CACNA1H: variants seen among roughly 807,000 people sequenced by gnomAD.
CACNA1H encodes calcium voltage-gated channel subunit alpha1 H, also known as voltage-dependent T-type calcium channel subunit alpha-1H.
CACNA1H carries 149 observed loss-of-function variants against 192.5 expected under a neutral mutation model. The observed-to-expected ratio is 0.77, with a 90% CI of 0.68 to 0.89. The LOEUF (loss-of-function observed/expected upper bound fraction) is 0.89, where lower values mean the gene tolerates loss of function less well. Among genes scored for constraint, CACNA1H ranks in the 40% least tolerant of loss-of-function variants. The pLI is 0.00. For synonymous variants in CACNA1H, 2,202 were observed against 1,475.2 expected (o/e 1.49, Z -11.29); for missense variants, 4,257 against 3,423.5 (o/e 1.24, Z -6.08).
rs1970205360 is a variant in CACNA1H at position 1,218,375 on chromosome 16, CG to C, written c.5614del (p.Glu1872ArgfsTer175). 1 of 1,560,928 alleles carries C rather than the reference CG, an allele frequency of 6.4e-7. No individual in the cohort carries two copies. The highest frequency in any genetic ancestry group is 1.2e-5 in the South Asian group (1 of 84,526). On this transcript the variant is annotated frameshift_variant, in exon 33 of 35. Transcript: ENST00000348261. LOFTEE classifies it high-confidence loss of function. Reference protein sequence around the residue: ...KHLEESNKEAREDAELDAEIE... With the variant: ...KHLEESNKEAXEDAELDAEIE... The stretch of plus-strand genomic sequence containing the variant: ...CCTGGAGGAGAGCAACAAGGAGGCA[CG>C]GGAGGATGCGGAGCTGGACGCCGAG...
intron 2 of CACNA1H, 109 bp downstream of exon 2, chr16:1,154,145 A>C: frequency 1.1e-6 from 1 of 880,812 alleles, no homozygotes; most frequent in Non-Finnish European, 1.5e-6. Context: ...TGTTGGTGGG[A>C]CCTGGCGTGG....
At chr16:1,184,814 G>A (rs1218959433) in intron 2 of CACNA1H, among the ~76,000 whole-genome samples, 1 of 152,252 alleles carries the variant, frequency 6.6e-6, no homozygotes, top group Non-Finnish European at 1.5e-5. Flanking sequence ...TCCAGCGAAG[G>A]GAAGCTGCCA....
intron 2 of CACNA1H, among the ~76,000 whole-genome samples, chr16:1,172,875 G>C (rs59721770): frequency 0.013 from 1,949 of 152,228 alleles, 32 homozygotes; most frequent in African/African-American, 0.044. Context: ...GCTGTGATCA[G>C]GGCCAGGACA....
intron 2 of CACNA1H, among the ~76,000 whole-genome samples, chr16:1,193,979 C>T (rs1446999198): frequency 2.0e-5 from 3 of 152,168 alleles, no homozygotes; most frequent in Non-Finnish European, 2.9e-5. Flanking sequence ...CACCCAGGAC[C>T]TCCGCTGTAG....
intron 12 of CACNA1H, chr16:1,206,620 G>C: frequency 2.3e-6 from 1 of 432,864 alleles, no homozygotes; most frequent in South Asian, 3.0e-5. Context: ...CTGTGTGCCC[G>C]TCTAGCCTGG....
chr16:1,217,829 G>A, intron 31 of CACNA1H, 90 bp from the exon 32 acceptor site: 2 of 1,452,910 alleles, frequency 1.4e-6, no homozygotes, highest in South Asian at 2.8e-5. Context: ...CTGCCTCTGG[G>A]CTCCCCAAGG....
At chr16:1,208,249 C>A in intron 16 of CACNA1H, 28 bp downstream of exon 16, 1 of 1,492,504 alleles carries the variant, frequency 6.7e-7, no homozygotes, top group East Asian at 2.5e-5. Flanking sequence ...CCCCAGCTCT[C>A]AGGCCCCTTC....
chr16:1,189,651 G>A (rs1966416351), intron 2 of CACNA1H, among the ~76,000 whole-genome samples: 1 of 152,020 alleles, frequency 6.6e-6, no homozygotes. Context: ...CAGACTCCTG[G>A]GTTCCAAATG....
intron 2 of CACNA1H, among the ~76,000 whole-genome samples, chr16:1,190,425 C>G (rs1966499325): frequency 6.6e-6 from 1 of 152,256 alleles, no homozygotes; most frequent in South Asian, 2.1e-4. Flanking sequence ...TGAGGGCCAG[C>G]CTGCTCAGCC....
At chr16:1,207,948 T>C (rs1596445462) in intron 15 of CACNA1H, 65 bp from the exon 16 acceptor site, 1 of 1,540,892 alleles carries the variant, frequency 6.5e-7, no homozygotes, top group Non-Finnish European at 8.8e-7. Context: ...AATCCCTAGG[T>C]TGGGGGATTC....
rs773372678 is a variant in CACNA1H, at chr16:1,207,112, G to A, written c.2901G>A (p.Val967=). 6.3e-7 allele frequency: 1 copy of A among 1,587,618 alleles called. No homozygotes were observed. The highest frequency in any genetic ancestry group is 1.8e-5 in the Admixed American group (1 of 56,410). Reference sequence around the variant, plus strand: ...CCCTGCTGTGGGCCATCGTCACCGTGTTCCAGGTAGTGCCCGGGGTCCCCG... The same window carrying A: ...CCCTGCTGTGGGCCATCGTCACCGTATTCCAGGTAGTGCCCGGGGTCCCCG... ...FDSLLWAIVT[V]FQILTQEDWN... is the part of the protein sequence containing the mutation. The change falls in exon 13 of 35, where the codon GTG becomes GTA. Residue 967 remains valine (V), a synonymous_variant. Coordinates refer to ENST00000348261, the MANE Select transcript of CACNA1H (RefSeq NM_021098.3).
intron 14 of CACNA1H, 142 bp from the exon 15 acceptor site, chr16:1,207,628 C>A: frequency 1.1e-6 from 1 of 913,524 alleles, no homozygotes; most frequent in Non-Finnish European, 1.7e-6. Flanking sequence ...TCCTCACCTA[C>A]CTGCCCACCC....
At position 1,201,966 on chromosome 16, in the gene CACNA1H, C is replaced by T. The variant is rs58593315; in HGVS notation, c.1516C>T (p.Arg506Trp). The change falls in exon 9 of 35, where the codon CGG (arginine) becomes TGG (tryptophan). Residue 506 changes from arginine to tryptophan, a missense_variant. Transcript: ENST00000348261. ...CCAGGGTCCCGGGCACCGCCAGCGC[C>T]GGGCAGGCAGGCACACAGCCTCGGT... ...QGQGPGHRQR[R>W]AGRHTASVHH... 1.3e-5 allele frequency: 20 copies of T among 1,544,596 alleles called. No individual in the cohort carries two copies. Among genetic ancestry groups the T allele is most frequent in the South Asian group, 4.8e-5 (4 of 83,932 alleles).
At chr16:1,170,044 G>A (rs1964206233) in intron 2 of CACNA1H, among the ~76,000 whole-genome samples, 1 of 152,218 alleles carries the variant, frequency 6.6e-6, no homozygotes, top group Non-Finnish European at 1.5e-5. Flanking sequence ...GAGACAGTGT[G>A]GGCTGAGCCC....
rs1368323486 is a variant in CACNA1H at position 1,208,087 on chromosome 16, A to G, written c.3229A>G (p.Ile1077Val). Residue 1077 changes from isoleucine to valine, a missense_variant, in exon 16 of 35, where the codon ATC becomes GTC. Transcript: ENST00000348261. Reference sequence around the variant, plus strand: ...ACGAGGCAGCCTGTCCCCTCCCCTCATCATGTGCACAGCTGCCACGCCCAT... The same window carrying G: ...ACGAGGCAGCCTGTCCCCTCCCCTCGTCATGTGCACAGCTGCCACGCCCAT... ...EGRGSLSPPL[I>V]MCTAATPMPT... The G allele has an allele frequency of 1.9e-6, 3 of 1,600,536 alleles. No individual in the cohort carries two copies. The highest frequency in any genetic ancestry group is 1.7e-5 in the Admixed American group (1 of 58,648).
Position 1,213,934 on chromosome 16 carries a change from G to A in CACNA1H, c.4929+3G>A. 6.2e-7 allele frequency: 1 copy of A among 1,608,618 alleles called. No individual in the cohort carries two copies. Among genetic ancestry groups the A allele is most frequent in the Non-Finnish European group, 8.5e-7 (1 of 1,178,282 alleles). On this transcript the variant is annotated splice_donor_region_variant and intron_variant, in intron 27 of 34. Transcript: ENST00000348261. ...TGGAGCACTATAACCAACCCAAGGT[G>A]GGTGCGAGGGGGCCGCGAGGGGCCC...
chr16:1,179,862 G>A (rs935489361), intron 2 of CACNA1H, among the ~76,000 whole-genome samples: 8 of 149,464 alleles, frequency 5.4e-5, no homozygotes, highest in South Asian at 4.3e-4. Flanking sequence ...AGCCTCCCAC[G>A]TAGCTGGGAT....
rs768716174 is a variant in CACNA1H at position 1,209,365 on chromosome 16, G to C, written c.3697G>C (p.Asp1233His). Residue 1233 changes from aspartate (D) to histidine (H), a missense_variant, in exon 17 of 35, where the codon GAC becomes CAC. By Grantham distance (81) the Asp-to-His change is moderately conservative (BLOSUM62 -1). Coordinates refer to ENST00000348261, the MANE Select transcript of CACNA1H (RefSeq NM_021098.3). ...GCCCAGCGACTTCTTCCTGCGCATCGACAGCCACCGTGAGGATGCAGCCGA... is the reference window on the plus strand; with the variant it reads ...GCCCAGCGACTTCTTCCTGCGCATCCACAGCCACCGTGAGGATGCAGCCGA... ...ALPSDFFLRI[D>H]SHREDAAELD... is the part of the protein sequence containing the mutation. 6.3e-7 allele frequency: 1 copy of C among 1,597,986 alleles called. No homozygotes were observed. The highest frequency in any genetic ancestry group is 8.5e-7 in the Non-Finnish European group (1 of 1,179,592).
chr16:1,155,991 C>T (rs1962318319), intron 2 of CACNA1H, among the ~76,000 whole-genome samples: 1 of 152,064 alleles, frequency 6.6e-6, no homozygotes, highest in Non-Finnish European at 1.5e-5. Context: ...GTCTCGGGGG[C>T]TGGATGGTGC....
Sources: gnomAD v4.1 joint callset for allele counts (sites outside exome capture counted in the v4.1 genomes callset) on GRCh38, gnomAD v4.1.1 for gene constraint, MANE v1.5 for transcripts, NCBI Gene and HGNC (gene_info 2026-07-23, HGNC 2026-07-21) for gene names.